Variants in EFCAB11 observed in about 807,000 individuals in gnomAD.
EFCAB11 encodes the protein EF-hand calcium-binding domain-containing protein 11.
A neutral mutation model predicts 23.0 loss-of-function variants in EFCAB11; 14 were observed. The observed-to-expected ratio is 0.61, with a 90% CI of 0.40 to 0.95. The LOEUF (loss-of-function observed/expected upper bound fraction) is 0.95. Among genes scored for constraint, EFCAB11 ranks in the 40% least tolerant of loss-of-function variants. The probability of loss-of-function intolerance (pLI) is 0.00; values close to 1 mark genes in which losing one functional copy is unlikely to be tolerated. For synonymous variants in EFCAB11, 65 were observed against 66.6 expected, an observed-to-expected ratio of 0.98 and a Z score of 0.11; for missense variants, 198 against 195.8, an observed-to-expected ratio of 1.01 and a Z score of -0.07.
intron 5 of EFCAB11, among the ~76,000 whole-genome samples, chr14:89,810,772 A>AG (rs398026117): frequency 6.6e-6 from 1 of 151,312 alleles, no homozygotes; most frequent in African/African-American, 2.4e-5. Context: ...AAAAAAAAAA[A>AG]GAAATGGATT....
intron 5 of EFCAB11, among the ~76,000 whole-genome samples, chr14:89,855,170 CTT>C (rs764566938): frequency 2.1e-5 from 3 of 141,028 alleles, no homozygotes; most frequent in Non-Finnish European, 1.5e-5. Flanking sequence ...AGGACAGCTT[CTT>C]TTTTTTTTTT....
intron 5 of EFCAB11, among the ~76,000 whole-genome samples, chr14:89,804,512 C>T (rs1284857367): frequency 6.6e-6 from 1 of 152,192 alleles, no homozygotes; most frequent in Non-Finnish European, 1.5e-5. Flanking sequence ...AGCTTGGTGA[C>T]AGACACTTGC....
chr14:89,840,808 G>T (rs1194166982), intron 5 of EFCAB11, among the ~76,000 whole-genome samples: 2 of 152,142 alleles, frequency 1.3e-5, no homozygotes, highest in Non-Finnish European at 2.9e-5. Flanking sequence ...AAACACATAA[G>T]AATAATTTGA....
chr14:89,836,974 AC>A, intron 5 of EFCAB11: 1 of 454,018 alleles, frequency 2.2e-6, no homozygotes, highest in South Asian at 1.6e-5. Flanking sequence ...GTGAGCCAAG[AC>A]TGTGCGACTG....
At chr14:89,808,734 ACT>A (rs1886056605) in intron 5 of EFCAB11, among the ~76,000 whole-genome samples, 1 of 152,212 alleles carries the variant, frequency 6.6e-6, no homozygotes, top group Non-Finnish European at 1.5e-5. Flanking sequence ...TATCAAAAAC[ACT>A]CTATTAATGG....
rs542360135 is a variant in EFCAB11, at chr14:89,899,003, T to C, written c.410+32538A>G. Among the ~76,000 whole-genome samples the C allele has an allele frequency of 2.6e-5, 4 of 152,290 alleles. No individual in the cohort carries two copies. In the South Asian group the frequency reaches 8.3e-4, roughly 32 times the overall value. ...ATTTTCTTTTATAAGTATCATCATA[T>C]GCAATTTAGTACTCAAATGCCTTCG... is the stretch of plus-strand genomic sequence containing the variant. On this transcript the variant is annotated intron_variant, in intron 5 of 5. Coordinates refer to ENST00000316738, the MANE Select transcript of EFCAB11 (RefSeq NM_145231.4).
intron 5 of EFCAB11, among the ~76,000 whole-genome samples, chr14:89,927,511 G>A (rs8013178): frequency 0.19 from 28,776 of 152,036 alleles, 3,167 homozygotes; most frequent in South Asian, 0.32. Context: ...CTACTCAAGC[G>A]TCTCAAAAAG....
At chr14:89,886,327 C>T (rs1164988948) in intron 5 of EFCAB11, among the ~76,000 whole-genome samples, 1 of 151,876 alleles carries the variant, frequency 6.6e-6, no homozygotes, top group Non-Finnish European at 1.5e-5. Context: ...ACCATCCTGG[C>T]CAACTCTGTG....
At chr14:89,803,126 T>C (rs1329447700) in intron 5 of EFCAB11, among the ~76,000 whole-genome samples, 1 of 152,176 alleles carries the variant, frequency 6.6e-6, no homozygotes, top group Non-Finnish European at 1.5e-5. Flanking sequence ...CAAGTGTCCC[T>C]TGGGGGACAC....
intron 5 of EFCAB11, among the ~76,000 whole-genome samples, chr14:89,847,973 C>T (rs569462686): frequency 4.6e-5 from 7 of 152,236 alleles, no homozygotes; most frequent in Admixed American, 2.6e-4. Flanking sequence ...ATGTAAAGCA[C>T]GTAGTTAACA....
chr14:89,941,304 T>A (rs1182378533), intron 3 of EFCAB11, among the ~76,000 whole-genome samples: 1 of 152,184 alleles, frequency 6.6e-6, no homozygotes, highest in East Asian at 1.9e-4. Context: ...ACATGGTGAT[T>A]TGTTTTTCGT....
chr14:89,855,277 A>G (rs1048002248), intron 5 of EFCAB11, among the ~76,000 whole-genome samples: 2 of 151,842 alleles, frequency 1.3e-5, no homozygotes, highest in Admixed American at 6.6e-5. Context: ...GAACTTCAAG[A>G]CCAGCCTGGG....
chr14:89,897,691 C>T (rs1167496726), intron 5 of EFCAB11, among the ~76,000 whole-genome samples: 2 of 151,996 alleles, frequency 1.3e-5, no homozygotes, highest in African/African-American at 2.4e-5. Flanking sequence ...ATAAAGCAGT[C>T]GCACATGGAA....
At chr14:89,859,965 T>C (rs949220197) in intron 5 of EFCAB11, among the ~76,000 whole-genome samples, 1 of 152,210 alleles carries the variant, frequency 6.6e-6, no homozygotes, top group Non-Finnish European at 1.5e-5. Context: ...GAACTCTAGA[T>C]GTTGATCTCC....
In EFCAB11 at chr14:89,904,838, A is replaced by G. The variant is rs1889447491; in HGVS notation, c.410+26703T>C. On this transcript the variant is annotated intron_variant, in intron 5 of 5. Coordinates refer to ENST00000316738, the MANE Select transcript of EFCAB11 (RefSeq NM_145231.4). Reference sequence around the variant, plus strand: ...TGATGGGGTTGTTGTTTTCTTGTAAATTTCTTTAAGTTCTTTGTAGATTCT... The same window carrying G: ...TGATGGGGTTGTTGTTTTCTTGTAAGTTTCTTTAAGTTCTTTGTAGATTCT... 2.6e-5 allele frequency among the ~76,000 whole-genome samples: 4 copies of G among 152,026 alleles called. No homozygotes were observed. The South Asian group carries it at 8.3e-4, about 32-fold the overall frequency.
chr14:89,932,788 G>A lies in EFCAB11; in HGVS notation c.218-161C>T, dbSNP rs183871716. Reference sequence around the variant, plus strand: ...AGATCTGTGAAGTTTCCTGAAGACCGAAAAAGGCATTTTGCTAAATGCTAA... The same window carrying A: ...AGATCTGTGAAGTTTCCTGAAGACCAAAAAAGGCATTTTGCTAAATGCTAA... On this transcript the variant is annotated intron_variant, in intron 3 of 5. Coordinates refer to ENST00000316738, the MANE Select transcript of EFCAB11 (RefSeq NM_145231.4). Among the ~76,000 whole-genome samples the A allele has an allele frequency of 3.1e-3, 479 of 152,202 alleles. 3 individuals carry two copies. The highest frequency in any genetic ancestry group is 5.0e-3 in the Non-Finnish European group (341 of 68,004).
chr14:89,799,481 G>T (rs1210054650), intron 5 of EFCAB11: 1 of 152,192 alleles, frequency 6.6e-6, no homozygotes, highest in Non-Finnish European at 1.5e-5. Flanking sequence ...CAGAGAAGAT[G>T]TACCGTGGGT....
At chr14:89,824,752 T>G (rs576907395) in intron 5 of EFCAB11, among the ~76,000 whole-genome samples, 1 of 151,996 alleles carries the variant, frequency 6.6e-6, no homozygotes, top group South Asian at 2.1e-4. Flanking sequence ...AAAATACTGG[T>G]GGAGATAATA....
chr14:89,892,383 A>G, intron 5 of EFCAB11: 1 of 1,604,606 alleles, frequency 6.2e-7, no homozygotes, highest in Admixed American at 1.7e-5. Context: ...CGGCTCATCC[A>G]CAAGACCCAA....
Sources: gnomAD v4.1 joint callset for allele counts (sites outside exome capture counted in the v4.1 genomes callset) on GRCh38, gnomAD v4.1.1 for gene constraint, MANE v1.5 for transcripts, NCBI Gene and HGNC (gene_info 2026-07-23, HGNC 2026-07-21) for gene names.